Variants in ESR1 observed in about 807,000 individuals in gnomAD.
ESR1 encodes the protein estrogen receptor.
In ESR1, 12 loss-of-function variants were observed where a neutral mutation model predicts 52.7. That is an observed-to-expected ratio of 0.23 (90% CI 0.15 to 0.37). The LOEUF (loss-of-function observed/expected upper bound fraction) is 0.37. Among genes scored for constraint, ESR1 ranks in the 10% least tolerant of loss-of-function variants. The pLI is 1.00. For synonymous variants in ESR1, 305 were observed against 316.8 expected (o/e 0.96, Z 0.39); for missense variants, 584 against 779.7 (o/e 0.75, Z 2.99).
chr6:152,044,124 T>C (rs1486489559), intron 5 of ESR1, among the ~76,000 whole-genome samples: 1 of 152,156 alleles, frequency 6.6e-6, no homozygotes, highest in Non-Finnish European at 1.5e-5. Flanking sequence ...TCTCCACATA[T>C]GGTTAAAGGT....
At chr6:151,813,827 G>A (rs1288814752) in intron 1 of ESR1, among the ~76,000 whole-genome samples, 2 of 152,138 alleles carry the variant, frequency 1.3e-5, no homozygotes. Flanking sequence ...TTCACTTAAA[G>A]TTAATAAAAT....
At chr6:152,081,361 G>A (rs924181917) in intron 6 of ESR1, among the ~76,000 whole-genome samples, 1 of 151,950 alleles carries the variant, frequency 6.6e-6, no homozygotes, top group Non-Finnish European at 1.5e-5. Context: ...TGAACAACCT[G>A]CTCCTGAATG....
At chr6:151,961,758 TG>T (rs2037697249) in intron 4 of ESR1, among the ~76,000 whole-genome samples, 1 of 152,044 alleles carries the variant, frequency 6.6e-6, no homozygotes, top group Admixed American at 6.6e-5. Flanking sequence ...CAAGAGTAGT[TG>T]TGCCACAGTC....
At chr6:151,669,331 G>C (rs530276926) in intron 1 of ESR1, among the ~76,000 whole-genome samples, 1 of 151,806 alleles carries the variant, frequency 6.6e-6, no homozygotes, top group Non-Finnish European at 1.5e-5. Context: ...GTACAGGAGG[G>C]GTGAATTCCA....
At chr6:152,018,370 TCC>T (rs2043328590) in intron 5 of ESR1, among the ~76,000 whole-genome samples, 1 of 151,838 alleles carries the variant, frequency 6.6e-6, no homozygotes, top group Non-Finnish European at 1.5e-5. Flanking sequence ...GCTATCTTTT[TCC>T]CCATGTAAAA....
At chr6:151,771,109 C>T (rs530173899) in intron 2 of ESR1, among the ~76,000 whole-genome samples, 2 of 152,314 alleles carry the variant, frequency 1.3e-5, no homozygotes, top group Non-Finnish European at 2.9e-5. Flanking sequence ...TTAAAATTTT[C>T]AGTTAATGTG....
chr6:151,805,179 A>G (rs1285203521), upstream of ESR1: 3 of 152,200 alleles, frequency 2.0e-5, no homozygotes, highest in African/African-American at 2.4e-5. Flanking sequence ...CATTTATTCC[A>G]AAGTCTGGTT....
At chr6:151,829,348 T>C (rs779458345) in intron 1 of ESR1, among the ~76,000 whole-genome samples, 1 of 152,254 alleles carries the variant, frequency 6.6e-6, no homozygotes, top group Non-Finnish European at 1.5e-5. Flanking sequence ...TCTCCCCTTT[T>C]CTCTGTCTCT....
rs570496393 is a variant in ESR1 at position 152,102,703 on chromosome 6, AT to A, written c.*3739del. ...GTCATTTAAAATTGTTTTCTAAGTA[AT>A]TGCTGCCTCTATTATGGCACTTCAA... On this transcript the variant is annotated 3_prime_UTR_variant, in exon 8 of 8. Transcript: ENST00000206249. 5.0e-5 allele frequency: 11 copies of A among 219,526 alleles called. No homozygotes were observed. The highest frequency in any genetic ancestry group is 1.0e-4 in the Non-Finnish European group (11 of 109,272). The allele number at this position is 219,526 out of a possible 1,614,324, so 13.6% of individuals were successfully genotyped here.
At chr6:152,103,639 C>T (rs375316656), downstream of ESR1, among the ~76,000 whole-genome samples, 1 of 152,142 alleles carries the variant, frequency 6.6e-6, no homozygotes, top group African/African-American at 2.4e-5. Context: ...TTTTTTAATG[C>T]CTGGCCCAAA....
chr6:151,691,488 G>A (rs542740662), intron 1 of ESR1, among the ~76,000 whole-genome samples: 1 of 152,304 alleles, frequency 6.6e-6, no homozygotes, highest in Admixed American at 6.5e-5. Flanking sequence ...GTCCGTAGGA[G>A]CCAACATGAT....
chr6:151,931,591 A>C, intron 3 of ESR1, among the ~76,000 whole-genome samples: 2 of 129,256 alleles, frequency 1.5e-5, no homozygotes, highest in African/African-American at 5.8e-5. Flanking sequence ...TCCCAATGCT[A>C]TCCCTCCCCC....
At chr6:152,119,885 G>A (rs1456738448) in intron 6 of ESR1, among the ~76,000 whole-genome samples, 2 of 152,136 alleles carry the variant, frequency 1.3e-5, no homozygotes, top group East Asian at 3.9e-4. Context: ...GAAGAGCCAC[G>A]ACCTCATGGG....
At chr6:151,702,564 T>A (rs1474930190) in intron 2 of ESR1, among the ~76,000 whole-genome samples, 1 of 152,186 alleles carries the variant, frequency 6.6e-6, no homozygotes, top group Non-Finnish European at 1.5e-5. Context: ...GTGACCTACC[T>A]AAAAATAGAG....
chr6:151,798,565 A>G (rs1175773307), intron 2 of ESR1, among the ~76,000 whole-genome samples: 1 of 152,168 alleles, frequency 6.6e-6, no homozygotes, highest in African/African-American at 2.4e-5. Flanking sequence ...TGTTTATGTT[A>G]TTTCCAATAA....
intron 4 of ESR1, among the ~76,000 whole-genome samples, chr6:152,005,908 C>T (rs1473861001): frequency 6.6e-6 from 1 of 151,998 alleles, no homozygotes; most frequent in African/African-American, 2.4e-5. Context: ...TGGACGAAGG[C>T]TATTGTAGCC....
intron 1 of ESR1, among the ~76,000 whole-genome samples, chr6:151,682,965 AT>A (rs1364504340): frequency 6.6e-6 from 1 of 152,232 alleles, no homozygotes; most frequent in African/African-American, 2.4e-5. Flanking sequence ...TGTTAAATGC[AT>A]TCATTTTCTA....
At chr6:151,974,721 A>G (rs1342781850) in intron 4 of ESR1, among the ~76,000 whole-genome samples, 2 of 152,248 alleles carry the variant, frequency 1.3e-5, no homozygotes, top group Admixed American at 6.5e-5. Flanking sequence ...TGCCATTTGA[A>G]TACATCTTAG....
intron 2 of ESR1, among the ~76,000 whole-genome samples, chr6:151,710,908 C>T (rs982213373): frequency 6.6e-6 from 1 of 152,138 alleles, no homozygotes; most frequent in Admixed American, 6.5e-5. Flanking sequence ...GCATAGTATT[C>T]CATGGTGTAT....
Sources: allele counts gnomAD v4.1 joint callset (sites outside exome capture counted in the v4.1 genomes callset), GRCh38; gene constraint gnomAD v4.1.1; transcripts MANE v1.5; gene names NCBI Gene and HGNC (gene_info 2026-07-23, HGNC 2026-07-21).